MICU2: variants seen among roughly 807,000 people sequenced by gnomAD.
MICU2 encodes the protein mitochondrial calcium uptake 2.
In MICU2, 64 loss-of-function variants were observed where a neutral mutation model predicts 60.4. The ratio of observed to expected loss-of-function variants is 1.06; its 90% CI spans 0.87 to 1.31. MICU2 has a LOEUF of 1.31. MICU2 is among the 50% of genes most tolerant of loss of function. The pLI is 0.00. For missense variants in MICU2, 569 were observed against 531.0 expected, an observed-to-expected ratio of 1.07 and a Z score of -0.70; for synonymous variants, 201 against 175.0, an observed-to-expected ratio of 1.15 and a Z score of -1.17.
In MICU2 at chr13:21,525,683, G is replaced by A. The variant is rs545873412; in HGVS notation, c.467-3033C>T. ...TTTCCCTGATGATTAGTGACGTTGA[G>A]TACCTTTTCATGTGCTTTTCATGTG... On this transcript the variant is annotated intron_variant, in intron 4 of 11. Transcript: ENST00000382374. 1.4e-4 allele frequency among the ~76,000 whole-genome samples: 21 copies of A among 151,738 alleles called. No individual in the cohort carries two copies. The South Asian group carries it at 1.5e-3, about 11-fold the overall frequency.
At chr13:21,551,949 A>T (rs1472100356) in intron 2 of MICU2, among the ~76,000 whole-genome samples, 1 of 152,142 alleles carries the variant, frequency 6.6e-6, no homozygotes, top group Non-Finnish European at 1.5e-5. Flanking sequence ...GTATATGCCC[A>T]GTAATGGGAT....
chr13:21,562,421 T>C (rs533169020), intron 2 of MICU2, among the ~76,000 whole-genome samples: 2 of 147,624 alleles, frequency 1.4e-5, no homozygotes, highest in East Asian at 2.0e-4. Context: ...TATCTAACTA[T>C]TGCACTTGAG....
At chr13:21,500,457 G>A (rs1593313425) in intron 9 of MICU2, among the ~76,000 whole-genome samples, 1 of 128,944 alleles carries the variant, frequency 7.8e-6, no homozygotes, top group East Asian at 2.1e-4. Context: ...TTGAGACAGA[G>A]TCTCACTGTT....
rs562923057 is a variant in MICU2, at chr13:21,511,075, G to T, written c.664-974C>A. ...CCCACAGGGTGGGATATACCTTGGA[G>T]GGTGGAGTGGGCTGTGATCTGGAAC... is the stretch of plus-strand genomic sequence containing the variant. On this transcript the variant is annotated intron_variant, in intron 7 of 11. Coordinates refer to ENST00000382374, the MANE Select transcript of MICU2 (RefSeq NM_152726.3). Among the ~76,000 whole-genome samples the T allele has an allele frequency of 2.6e-5, 4 of 152,278 alleles. No individual in the cohort carries two copies. In the South Asian group the frequency reaches 8.3e-4, roughly 32 times the overall value.
chr13:21,526,837 G>A lies in MICU2; in HGVS notation c.467-4187C>T, dbSNP rs142241585. ...AAAAAAAAAACTACTATGGTAGTTC[G>A]GACAGGAAGAATAAAGAGCTGCAGA... On this transcript the variant is annotated intron_variant, in intron 4 of 11. Transcript: ENST00000382374. 5.6e-4 allele frequency among the ~76,000 whole-genome samples: 85 copies of A among 152,144 alleles called. 2 individuals carry two copies. In the East Asian group the frequency reaches 0.013, roughly 22 times the overall value.
intron 1 of MICU2, among the ~76,000 whole-genome samples, chr13:21,569,002 G>A (rs1245601924): frequency 6.6e-6 from 1 of 152,114 alleles, no homozygotes; most frequent in Non-Finnish European, 1.5e-5. Flanking sequence ...TGAGTTGAAA[G>A]GTTGAGTGAA....
chr13:21,532,142 G>C (rs910080231), intron 4 of MICU2, among the ~76,000 whole-genome samples: 3 of 152,196 alleles, frequency 2.0e-5, no homozygotes, highest in Admixed American at 2.0e-4. Flanking sequence ...TCAATTTCAA[G>C]AAGAAACTAA....
At chr13:21,520,554 T>C (rs1207469258) in intron 6 of MICU2, among the ~76,000 whole-genome samples, 1 of 152,222 alleles carries the variant, frequency 6.6e-6, no homozygotes, top group Non-Finnish European at 1.5e-5. Flanking sequence ...CACTATGCCA[T>C]ATATATATCT....
At chr13:21,535,401 T>C (rs1004846945) in intron 4 of MICU2, among the ~76,000 whole-genome samples, 2 of 152,140 alleles carry the variant, frequency 1.3e-5, no homozygotes, top group Non-Finnish European at 2.9e-5. Flanking sequence ...CTGGTAAATA[T>C]CTTTCTTAAG....
intron 7 of MICU2, among the ~76,000 whole-genome samples, chr13:21,512,445 A>ATTTTTTTTT (rs139822285): frequency 6.4e-5 from 8 of 125,234 alleles, no homozygotes; most frequent in Admixed American, 8.6e-5. Context: ...CAAATTTTTA[A>ATTTTTTTTT]TTTTTTTTTT....
chr13:21,523,552 A>G (rs904488713), intron 4 of MICU2, among the ~76,000 whole-genome samples: 19 of 152,248 alleles, frequency 1.2e-4, no homozygotes, highest in African/African-American at 4.3e-4. Context: ...TTGGGAAATC[A>G]TTCTTTGTCA....
At chr13:21,552,398 TA>T (rs1435187685) in intron 2 of MICU2, among the ~76,000 whole-genome samples, 4 of 152,166 alleles carry the variant, frequency 2.6e-5, no homozygotes, top group African/African-American at 9.7e-5. Flanking sequence ...ACTCTGATGG[TA>T]GTTTCTTTTG....
chr13:21,516,168 T>C (rs34979708), intron 6 of MICU2, among the ~76,000 whole-genome samples: 35,759 of 152,118 alleles, frequency 0.24, 5,081 homozygotes, highest in East Asian at 0.66. Flanking sequence ...AATGTACAAA[T>C]ATCAGCCAAT....
intron 7 of MICU2, among the ~76,000 whole-genome samples, chr13:21,511,948 G>T (rs1219606754): frequency 6.6e-6 from 1 of 152,092 alleles, no homozygotes; most frequent in African/African-American, 2.4e-5. Flanking sequence ...TTCAACAAAA[G>T]ATATCTAGAT....
In MICU2 at chr13:21,545,446, C is replaced by T. The variant is rs181421579; in HGVS notation, c.359-5758G>A. 3.1e-3 allele frequency among the ~76,000 whole-genome samples: 478 copies of T among 152,188 alleles called. 2 individuals carry two copies. Among genetic ancestry groups the T allele is most frequent in the African/African-American group, 0.011 (456 of 41,514 alleles). ...CTGTAATCCCAGCACTTTGGGAGGC[C>T]GAGGCGGACAGATCACCTGAGGTTA... On this transcript the variant is annotated intron_variant, in intron 2 of 11. Transcript: ENST00000382374.
At chr13:21,540,560 T>A (rs1887256577) in intron 2 of MICU2, among the ~76,000 whole-genome samples, 1 of 152,172 alleles carries the variant, frequency 6.6e-6, no homozygotes, top group African/African-American at 2.4e-5. Context: ...GGACGATAAA[T>A]CTACAAGGGC....
At chr13:21,508,967 T>TA (rs1224331193) in intron 8 of MICU2, among the ~76,000 whole-genome samples, 1 of 152,150 alleles carries the variant, frequency 6.6e-6, no homozygotes, top group Non-Finnish European at 1.5e-5. Flanking sequence ...GTTTACTAGA[T>TA]AGTTTCCAGT....
At chr13:21,564,482 A>G (rs1235394962) in intron 2 of MICU2, among the ~76,000 whole-genome samples, 1 of 152,030 alleles carries the variant, frequency 6.6e-6, no homozygotes, top group African/African-American at 2.4e-5. Context: ...TGTGGTGGTG[A>G]GGTGAAAAGG....
intron 2 of MICU2, among the ~76,000 whole-genome samples, chr13:21,540,611 T>C (rs1887257840): frequency 6.6e-6 from 1 of 152,204 alleles, no homozygotes; most frequent in East Asian, 1.9e-4. Context: ...CAGGATTTTA[T>C]TTTTACATTA....
Sources: allele counts gnomAD v4.1 joint callset (sites outside exome capture counted in the v4.1 genomes callset), GRCh38; gene constraint gnomAD v4.1.1; transcripts MANE v1.5; gene names NCBI Gene and HGNC (gene_info 2026-07-23, HGNC 2026-07-21).